AHNAK: variants seen among roughly 807,000 people sequenced by gnomAD.
AHNAK encodes the protein AHNAK nucleoprotein, also known as neuroblast differentiation-associated protein AHNAK.
AHNAK carries 23 observed loss-of-function variants against 37.8 expected under a neutral mutation model. The observed-to-expected ratio is 0.61, with a 90% CI of 0.44 to 0.86. AHNAK has a LOEUF of 0.86. AHNAK is among the 40% of genes least tolerant of loss of function. AHNAK has a pLI of 0.00. For missense variants in AHNAK, 7,411 were observed against 7,319.4 expected (o/e 1.01, Z -0.46); for synonymous variants, 2,481 against 2,636.3 (o/e 0.94, Z 1.80).
At chr11:62,471,295 G>C (rs186437741) in intron 5 of AHNAK, among the ~76,000 whole-genome samples, 1 of 152,176 alleles carries the variant, frequency 6.6e-6, no homozygotes, top group East Asian at 1.9e-4. Flanking sequence ...TCGCAACTAG[G>C]GGGGGCTTCC....
rs764470146 is a variant in AHNAK at position 62,521,027 on chromosome 11, A to T, written c.13390T>A (p.Phe4464Ile). The T allele has an allele frequency of 8.7e-6, 14 of 1,613,604 alleles. No homozygotes were observed. The South Asian group carries it at 1.5e-4, about 18-fold the overall frequency. ...TTGGGACCTTTCAGGTGCAAATCAA[A>T]GTCAGGCATAGAGATTTTGGGAGCT... ...IKAPKISMPDFDLHLKGPKVK... is the reference protein window; with the variant it reads ...IKAPKISMPDIDLHLKGPKVK... The change falls in exon 5 of 5, where the codon TTT becomes ATT. Residue 4464 changes from phenylalanine (F) to isoleucine (I), a missense_variant. By Grantham distance (21) the Phe-to-Ile change is conservative. Transcript: ENST00000378024.
chr11:62,478,798 G>A (rs1442298280), intron 5 of AHNAK, among the ~76,000 whole-genome samples: 1 of 149,448 alleles, frequency 6.7e-6, no homozygotes, highest in Admixed American at 6.7e-5. Flanking sequence ...GAGCAAAAGA[G>A]GAAAATGTAC....
intron 5 of AHNAK, among the ~76,000 whole-genome samples, chr11:62,436,791 T>G (rs1938181309): frequency 6.6e-6 from 1 of 151,786 alleles, no homozygotes; most frequent in African/African-American, 2.4e-5. Flanking sequence ...AAAAAAAAAT[T>G]AGCCGGGCAT....
intron 4 of AHNAK, among the ~76,000 whole-genome samples, chr11:62,509,832 C>A (rs1030860217): frequency 6.6e-6 from 1 of 151,940 alleles, no homozygotes; most frequent in East Asian, 2.0e-4. Flanking sequence ...ACAGGAGAAT[C>A]GCCTGAACCT....
Position 62,527,079 on chromosome 11 carries a change from C to G in AHNAK, c.7338G>C (p.Met2446Ile). ...TAGAAATATTGGGGGCTTTGAAATG[C>G]ATATCAGGCATCTTGAACTTAGGGC... is the stretch of plus-strand genomic sequence containing the variant. ...LKGPKFKMPD[M>I]HFKAPNISMP... The change falls in exon 5 of 5, where the codon ATG becomes ATC. Residue 2446 changes from methionine (M) to isoleucine (I), a missense_variant. Transcript: ENST00000378024. The G allele has an allele frequency of 6.2e-7, 1 of 1,614,136 alleles. No homozygotes were observed. Among genetic ancestry groups the G allele is most frequent in the East Asian group, 2.2e-5 (1 of 44,880 alleles).
intron 5 of AHNAK, among the ~76,000 whole-genome samples, chr11:62,487,266 G>C (rs1565211154): frequency 6.6e-6 from 1 of 152,208 alleles, no homozygotes; most frequent in African/African-American, 2.4e-5. Flanking sequence ...ACCATCTAAG[G>C]GATGTTATCA....
chr11:62,487,106 G>C (rs76860529), intron 5 of AHNAK, among the ~76,000 whole-genome samples: 1 of 152,180 alleles, frequency 6.6e-6, no homozygotes, highest in African/African-American at 2.4e-5. Flanking sequence ...CCAGTGGTGC[G>C]GGACGTCTGG....
intron 4 of AHNAK, among the ~76,000 whole-genome samples, chr11:62,505,232 C>T (rs1016048281): frequency 3.9e-5 from 6 of 152,164 alleles, no homozygotes; most frequent in Non-Finnish European, 7.4e-5. Context: ...CTTTGCTCCC[C>T]TCTGTGTCCC....
At position 62,528,895 on chromosome 11, in the gene AHNAK, G is replaced by T; in HGVS notation, c.5522C>A (p.Pro1841His). The change falls in exon 5 of 5, where the codon CCC becomes CAC. Residue 1841 changes from proline to histidine, a missense_variant. Pro to His is a moderately conservative substitution (Grantham distance 77, BLOSUM62 -2). Transcript: ENST00000378024. ...LECPDAKLKG[P>H]KFKMPEMHFK... ...GTGCATCTCAGGCATCTTAAACTTG[G>T]GCCCTTTCAACTTTGCATCAGGACA... The T allele has an allele frequency of 6.2e-7, 1 of 1,613,928 alleles. No individual in the cohort carries two copies. The highest frequency in any genetic ancestry group is 8.5e-7 in the Non-Finnish European group (1 of 1,179,994).
chr11:62,530,387 A>T lies in AHNAK; in HGVS notation c.4030T>A (p.Ser1344Thr). The change falls in exon 5 of 5, where the codon TCC becomes ACC. Residue 1344 changes from serine to threonine, a missense_variant. Ser to Thr is a moderately conservative substitution (Grantham distance 58). Transcript: ENST00000378024. ...ATTTCACCTTCTACCTCAGGCAAGGACACATCCACATCTCCCTTCAATTTT... is the reference window on the plus strand; with the variant it reads ...ATTTCACCTTCTACCTCAGGCAAGGTCACATCCACATCTCCCTTCAATTTT... ...GPKLKGDVDV[S>T]LPEVEGEMKV... 3 of 1,614,050 alleles carry T rather than the reference A, an allele frequency of 1.9e-6. No individual in the cohort carries two copies. The highest frequency in any genetic ancestry group is 2.5e-6 in the Non-Finnish European group (3 of 1,180,030).
chr11:62,460,839 C>T (rs923742072), intron 5 of AHNAK, among the ~76,000 whole-genome samples: 1 of 151,966 alleles, frequency 6.6e-6, no homozygotes, highest in Admixed American at 6.6e-5. Context: ...TTTGAGATGG[C>T]GTCTCAGAGT....
At chr11:62,491,004 T>A (rs1026756260) in intron 5 of AHNAK, among the ~76,000 whole-genome samples, 2 of 152,130 alleles carry the variant, frequency 1.3e-5, no homozygotes, top group Non-Finnish European at 2.9e-5. Flanking sequence ...GCTAGGCTGG[T>A]CTTGAACTCC....
In AHNAK at chr11:62,519,565, G is replaced by A. The variant is rs767573214; in HGVS notation, c.14852C>T (p.Ala4951Val). The change falls in exon 5 of 5, where the codon GCT becomes GTT. Residue 4951 changes from alanine (A) to valine (V), a missense_variant. Coordinates refer to ENST00000378024, the MANE Select transcript of AHNAK (RefSeq NM_001620.3). ...GTCCATGTGTACATCTAAGCTTGGAGCTTCAACTTTGGGTCCCTTGAGGTC... is the reference window on the plus strand; with the variant it reads ...GTCCATGTGTACATCTAAGCTTGGAACTTCAACTTTGGGTCCCTTGAGGTC... ...EVDLKGPKVE[A>V]PSLDVHMDSP... The A allele has an allele frequency of 6.2e-7, 1 of 1,611,392 alleles. No individual in the cohort carries two copies. Among genetic ancestry groups the A allele is most frequent in the Non-Finnish European group, 8.5e-7 (1 of 1,178,788 alleles).
At chr11:62,511,532 A>G (rs1939913148), downstream of AHNAK, among the ~76,000 whole-genome samples, 1 of 152,174 alleles carries the variant, frequency 6.6e-6, no homozygotes, top group Non-Finnish European at 1.5e-5. Context: ...CTGGGATTAT[A>G]GGCATGAGCC....
Position 62,443,313 on chromosome 11 carries a change from C to A in AHNAK, c.443-9422G>T, listed in dbSNP as rs367631469. Among the ~76,000 whole-genome samples the A allele has an allele frequency of 4.4e-3, 553 of 125,440 alleles. 4 individuals carry two copies. The highest frequency in any genetic ancestry group is 0.016 in the African/African-American group (531 of 33,070). The allele number at this position is 125,440 out of a possible 152,430, so 82.3% of individuals were successfully genotyped here. Reference sequence around the variant, plus strand: ...TTGAGACAGAGTTTCGCTGTTATTGCCCAGGCTGGAGTGCAATGGTGCGAT... The same window carrying A: ...TTGAGACAGAGTTTCGCTGTTATTGACCAGGCTGGAGTGCAATGGTGCGAT... On this transcript the variant is annotated intron_variant, in intron 5 of 5. Transcript: ENST00000257247.
At position 62,527,040 on chromosome 11, in the gene AHNAK, A is replaced by T; in HGVS notation, c.7377T>A (p.Asp2459Glu). The change falls in exon 5 of 5, where the codon GAT (aspartate) becomes GAA (glutamate). Residue 2459 changes from aspartate to glutamate, a missense_variant. Transcript: ENST00000378024. ...KAPNISMPDV[D>E]LNLKGPKIKG... Reference sequence around the variant, plus strand: ...TGATTTTGGGTCCTTTGAGATTTAGATCAACATCAGGCATAGAAATATTGG... The same window carrying T: ...TGATTTTGGGTCCTTTGAGATTTAGTTCAACATCAGGCATAGAAATATTGG... 1 of 1,614,026 alleles carries T rather than the reference A, an allele frequency of 6.2e-7. No homozygotes were observed. The highest frequency in any genetic ancestry group is 8.5e-7 in the Non-Finnish European group (1 of 1,179,988).
chr11:62,473,912 A>G (rs1939091368), intron 5 of AHNAK, among the ~76,000 whole-genome samples: 1 of 151,138 alleles, frequency 6.6e-6, no homozygotes, highest in Admixed American at 6.6e-5. Context: ...AGGTAGGAGG[A>G]TCACTGGAGG....
exon 6 of AHNAK, chr11:62,433,763 T>C: frequency 1.4e-6 from 2 of 1,410,308 alleles, no homozygotes; most frequent in Non-Finnish European, 2.0e-6. Flanking sequence ...GGTATTCCTT[T>C]AACTGCAGGT....
chr11:62,433,676 A>G (rs1938093880), exon 6 of AHNAK: 2 of 632,100 alleles, frequency 3.2e-6, no homozygotes, highest in Non-Finnish European at 5.5e-6. Flanking sequence ...TGCACCAAGC[A>G]GGGCTTATGC....
Sources: gnomAD v4.1 joint callset for allele counts (sites outside exome capture counted in the v4.1 genomes callset) on GRCh38, gnomAD v4.1.1 for gene constraint, MANE v1.5 for transcripts, NCBI Gene and HGNC (gene_info 2026-07-23, HGNC 2026-07-21) for gene names.